TG: variants seen among roughly 807,000 people sequenced by gnomAD.
TG encodes thyroid hormones.
Under a neutral mutation model 324.7 loss-of-function variants are expected in TG, and 270 were observed. The ratio of observed to expected loss-of-function variants is 0.83; its 90% confidence interval spans 0.75 to 0.92. TG has a LOEUF of 0.92. TG is among the 40% of genes least tolerant of loss of function. The probability of loss-of-function intolerance (pLI) is 0.00; values close to 1 mark genes in which losing one functional copy is unlikely to be tolerated. For synonymous variants in TG, 1,401 were observed against 1,327.0 expected (o/e 1.06, Z -1.21); for missense variants, 3,591 against 3,456.4 (o/e 1.04, Z -0.98).
chr8:132,971,527 G>A (rs1171308613), intron 32 of TG, among the ~76,000 whole-genome samples: 1 of 152,118 alleles, frequency 6.6e-6, no homozygotes, highest in Non-Finnish European at 1.5e-5. Flanking sequence ...CACATAATAG[G>A]CACAGAATAT....
At chr8:132,924,449 T>A (rs1821538769) in intron 22 of TG, among the ~76,000 whole-genome samples, 1 of 152,134 alleles carries the variant, frequency 6.6e-6, no homozygotes, top group East Asian at 1.9e-4. Flanking sequence ...CTAGAGCAAG[T>A]TGCTCAATCC....
chr8:132,995,114 G>T (rs1832746288), intron 35 of TG: 6 of 971,870 alleles, frequency 6.2e-6, no homozygotes, highest in Non-Finnish European at 7.3e-6. Flanking sequence ...CACAGAGCCT[G>T]GTGCTGGGCA....
chr8:133,013,822 C>A (rs991264168), intron 37 of TG, 58 bp downstream of exon 37: 1 of 1,569,278 alleles, frequency 6.4e-7, no homozygotes, highest in African/African-American at 1.4e-5. Context: ...GGGGAAGGGA[C>A]TATTTAAACA....
At position 132,906,784 on chromosome 8, in the gene TG, A is replaced by G. The variant is rs759876674; in HGVS notation, c.3731A>G (p.Gln1244Arg). 1.9e-6 allele frequency: 3 copies of G among 1,614,106 alleles called. No homozygotes were observed. The African/African-American group carries it at 4.0e-5, about 22-fold the overall frequency. The change falls in exon 17 of 48, where the codon CAG (glutamine) becomes CGG (arginine). Residue 1244 changes from glutamine to arginine, a missense_variant. Coordinates refer to ENST00000220616, the MANE Select transcript of TG (RefSeq NM_003235.5). Reference protein sequence around the residue: ...ISGPTGSAMQQCQLLCRQGSW... With the variant: ...ISGPTGSAMQRCQLLCRQGSW... Reference sequence around the variant, plus strand: ...GGCCCCACAGGCTCTGCCATGCAGCAGTGCCAATTGCTGTGCCGCCAGGGC... The same window carrying G: ...GGCCCCACAGGCTCTGCCATGCAGCGGTGCCAATTGCTGTGCCGCCAGGGC...
intron 40 of TG, among the ~76,000 whole-genome samples, chr8:133,028,915 G>A (rs921209516): frequency 2.6e-5 from 4 of 152,168 alleles, no homozygotes; most frequent in South Asian, 2.1e-4. Context: ...ATGGAGAAAC[G>A]TGAGGGGTCT....
At chr8:132,892,269 A>G (rs1816337374) in intron 10 of TG, among the ~76,000 whole-genome samples, 1 of 152,166 alleles carries the variant, frequency 6.6e-6, no homozygotes, top group Admixed American at 6.5e-5. Flanking sequence ...TCATCTGCCT[A>G]TCCTTCATTA....
At chr8:132,898,039 G>T in intron 12 of TG, 130 bp from the exon 13 acceptor site, 1 of 973,540 alleles carries the variant, frequency 1.0e-6, no homozygotes, top group Non-Finnish European at 1.6e-6. Flanking sequence ...TCCGGCTGGG[G>T]GTCTAGACTG....
intron 41 of TG, among the ~76,000 whole-genome samples, chr8:133,045,355 G>C (rs1168796142): frequency 2.0e-5 from 3 of 149,896 alleles, no homozygotes; most frequent in African/African-American, 7.4e-5. Flanking sequence ...GGTCCTTACA[G>C]GTTTTCAGGA....
intron 37 of TG, among the ~76,000 whole-genome samples, chr8:133,015,032 C>G (rs1245271788): frequency 2.6e-5 from 4 of 152,034 alleles, no homozygotes; most frequent in African/African-American, 9.7e-5. Context: ...GCCATGATGC[C>G]CAGCTAATTT....
intron 2 of TG, among the ~76,000 whole-genome samples, chr8:132,869,393 C>T (rs897710062): frequency 6.6e-6 from 1 of 152,156 alleles, no homozygotes; most frequent in African/African-American, 2.4e-5. Context: ...GTGGGCACTG[C>T]CTTTACCCTC....
In TG at chr8:133,029,979, G is replaced by A; in HGVS notation, c.7195G>A (p.Ala2399Thr). 1 of 1,614,170 alleles carries A rather than the reference G, an allele frequency of 6.2e-7. No individual in the cohort carries two copies. ...TGTGGCCAGCATCCACCTTCTCACG[G>A]CCAGGGCCACCAACTCCCAACTTTT... is the stretch of plus-strand genomic sequence containing the variant. ...ADVASIHLLT[A>T]RATNSQLFRR... Residue 2399 changes from alanine (A) to threonine (T), a missense_variant, in exon 41 of 48, where the codon GCC (alanine) becomes ACC (threonine). Transcript: ENST00000220616.
chr8:133,114,331 G>T (rs991398638), intron 44 of TG, among the ~76,000 whole-genome samples: 5 of 152,106 alleles, frequency 3.3e-5, no homozygotes, highest in Non-Finnish European at 5.9e-5. Flanking sequence ...CCCCAAGATG[G>T]CTAAAGGCTG....
intron 2 of TG, 99 bp from the exon 3 acceptor site, chr8:132,869,630 G>A (rs367993936): frequency 1.8e-6 from 2 of 1,083,400 alleles, no homozygotes; most frequent in East Asian, 2.4e-5. Flanking sequence ...ACCAAAACTT[G>A]CAAGAATGGA....
In TG at chr8:133,035,677, C is replaced by T. The variant is rs531650372; in HGVS notation, c.7239+5654C>T. 3.9e-5 allele frequency among the ~76,000 whole-genome samples: 6 copies of T among 152,296 alleles called. 1 individual carries two copies. Among genetic ancestry groups the T allele is most frequent in the Middle Eastern group, 3.4e-3 (1 of 294 alleles). ...TTAATGTTTTGTTCCTTTTGCACAT[C>T]TCTCTTTGCCATTATGCAATTTATT... On this transcript the variant is annotated intron_variant, in intron 41 of 47. Transcript: ENST00000220616.
chr8:132,901,661 A>C, intron 16 of TG, 108 bp downstream of exon 16: 1 of 1,195,140 alleles, frequency 8.4e-7, no homozygotes, highest in Non-Finnish European at 1.2e-6. Context: ...GAGGGGAGGC[A>C]GGAAGTGCAG....
intron 27 of TG, among the ~76,000 whole-genome samples, chr8:132,955,623 G>C (rs562091689): frequency 6.6e-6 from 1 of 152,336 alleles, no homozygotes; most frequent in African/African-American, 2.4e-5. Context: ...CCAGCGTTCA[G>C]TAGGCTAATT....
At chr8:132,970,127 C>T (rs1829291973) in intron 32 of TG, among the ~76,000 whole-genome samples, 1 of 151,880 alleles carries the variant, frequency 6.6e-6, no homozygotes, top group African/African-American at 2.4e-5. Context: ...ATTTGATTGT[C>T]AAAACCTCAC....
intron 35 of TG, among the ~76,000 whole-genome samples, chr8:133,004,110 T>A (rs1271560240): frequency 6.6e-6 from 1 of 152,222 alleles, no homozygotes; most frequent in East Asian, 1.9e-4. Context: ...AATGAGTCTC[T>A]CTTCCTTCAG....
At chr8:133,107,516 C>T (rs1849904642) in intron 43 of TG, among the ~76,000 whole-genome samples, 1 of 152,234 alleles carries the variant, frequency 6.6e-6, no homozygotes, top group African/African-American at 2.4e-5. Flanking sequence ...GCCCCCACTC[C>T]CGCCTGCTGA....
Sources: allele counts gnomAD v4.1 joint callset (sites outside exome capture counted in the v4.1 genomes callset), GRCh38; gene constraint gnomAD v4.1.1; transcripts MANE v1.5; gene names NCBI Gene and HGNC (gene_info 2026-07-23, HGNC 2026-07-21).